ADCY8: variants seen among roughly 807,000 people sequenced by gnomAD.
The protein encoded by ADCY8 is adenylate cyclase type 8.
A neutral mutation model predicts 119.7 loss-of-function variants in ADCY8; 51 were observed. The observed-to-expected ratio is 0.43, with a 90% confidence interval of 0.34 to 0.54. The LOEUF is 0.54. ADCY8 is among the 20% of genes least tolerant of loss of function. The probability of loss-of-function intolerance (pLI) is 0.03; values close to 1 mark genes in which losing one functional copy is unlikely to be tolerated. For missense variants in ADCY8, 1,383 were observed against 1,598.8 expected (o/e 0.87, Z 2.30); for synonymous variants, 665 against 651.0 (o/e 1.02, Z -0.33).
chr8:130,892,574 T>C (rs1187102121), intron 7 of ADCY8: 1 of 152,052 alleles, frequency 6.6e-6, no homozygotes, highest in African/African-American at 2.4e-5. Flanking sequence ...AGTTTAATCA[T>C]TTGGGGGTTT....
chr8:131,020,990 C>T (rs987524452), intron 1 of ADCY8, among the ~76,000 whole-genome samples: 6 of 152,070 alleles, frequency 3.9e-5, no homozygotes, highest in African/African-American at 1.4e-4. Context: ...AAACAAAGCA[C>T]CCATAAAATG....
chr8:130,848,566 T>G (rs7820412), intron 10 of ADCY8, among the ~76,000 whole-genome samples: 45,541 of 151,896 alleles, frequency 0.3, 6,852 homozygotes, highest in African/African-American at 0.32. Context: ...TCAGGCAGTC[T>G]AGGGCTCCAA....
chr8:130,933,496 A>G (rs188995814), intron 5 of ADCY8, among the ~76,000 whole-genome samples: 2 of 152,340 alleles, frequency 1.3e-5, no homozygotes, highest in East Asian at 3.9e-4. Flanking sequence ...AATTGCAACC[A>G]AGGTTTATCT....
At chr8:130,969,443 C>T (rs1342021702) in intron 2 of ADCY8, among the ~76,000 whole-genome samples, 1 of 152,168 alleles carries the variant, frequency 6.6e-6, no homozygotes, top group Non-Finnish European at 1.5e-5. Flanking sequence ...TCTCTTGGCT[C>T]TGTTTCTCTG....
chr8:130,872,816 T>C (rs1818415675), intron 8 of ADCY8, among the ~76,000 whole-genome samples: 2 of 152,174 alleles, frequency 1.3e-5, no homozygotes, highest in African/African-American at 4.8e-5. Context: ...AAACAAATCA[T>C]TTCAAAAATG....
At chr8:130,863,777 T>C (rs886580357) in intron 9 of ADCY8, among the ~76,000 whole-genome samples, 1 of 152,268 alleles carries the variant, frequency 6.6e-6, no homozygotes, top group South Asian at 2.1e-4. Context: ...CCTTGTGACA[T>C]TGCTATTGTT....
chr8:130,790,795 C>G (rs1815401263), intron 15 of ADCY8, among the ~76,000 whole-genome samples: 2 of 152,340 alleles, frequency 1.3e-5, no homozygotes, highest in East Asian at 3.9e-4. Flanking sequence ...TACCTTTGGG[C>G]TGAGATGGCA....
At chr8:130,945,627 A>G (rs1176744714) in intron 3 of ADCY8, among the ~76,000 whole-genome samples, 2 of 152,258 alleles carry the variant, frequency 1.3e-5, no homozygotes, top group African/African-American at 4.8e-5. Flanking sequence ...AGCTTTTGTT[A>G]TCATCATTTT....
chr8:131,019,084 GA>G (rs1487564611), intron 1 of ADCY8, among the ~76,000 whole-genome samples: 1 of 152,152 alleles, frequency 6.6e-6, no homozygotes, highest in Non-Finnish European at 1.5e-5. Flanking sequence ...GGAGGGAGGA[GA>G]AAGAGGAATA....
At chr8:130,846,191 G>A (rs1325626226) in intron 11 of ADCY8, among the ~76,000 whole-genome samples, 1 of 152,060 alleles carries the variant, frequency 6.6e-6, no homozygotes, top group African/African-American at 2.4e-5. Flanking sequence ...TAGAGAACAA[G>A]AATCTACCCA....
chr8:130,870,498 T>C (rs1818315821), intron 8 of ADCY8, among the ~76,000 whole-genome samples: 1 of 152,162 alleles, frequency 6.6e-6, no homozygotes, highest in Non-Finnish European at 1.5e-5. Context: ...CCTTCTCTGC[T>C]TTATCTGGGA....
intron 12 of ADCY8, among the ~76,000 whole-genome samples, chr8:130,828,435 C>T (rs1467345314): frequency 6.6e-6 from 1 of 151,800 alleles, no homozygotes; most frequent in Non-Finnish European, 1.5e-5. Flanking sequence ...CATGGCATTT[C>T]CAGGTCTCTC....
chr8:130,884,050 C>T (rs1032167575), intron 8 of ADCY8, among the ~76,000 whole-genome samples: 5 of 78,954 alleles, frequency 6.3e-5, no homozygotes, highest in African/African-American at 2.4e-4. Flanking sequence ...GAATCCACAA[C>T]CCATTTCTTT....
At chr8:130,992,187 C>T (rs1028625229) in intron 1 of ADCY8, among the ~76,000 whole-genome samples, 2 of 150,068 alleles carry the variant, frequency 1.3e-5, no homozygotes. Flanking sequence ...TCAAGTGATT[C>T]TCCTGCCTCA....
intron 1 of ADCY8, among the ~76,000 whole-genome samples, chr8:131,031,641 C>T (rs1346500324): frequency 6.6e-6 from 1 of 152,120 alleles, no homozygotes; most frequent in Non-Finnish European, 1.5e-5. Flanking sequence ...GTGTTTGAGG[C>T]CTTGAGTTCA....
chr8:130,982,092 G>A (rs765571662), intron 2 of ADCY8, among the ~76,000 whole-genome samples: 22 of 152,156 alleles, frequency 1.4e-4, no homozygotes, highest in Non-Finnish European at 2.2e-4. Flanking sequence ...CAAATAATGC[G>A]CTAGGAAGAT....
chr8:130,863,644 T>G (rs1818020285), intron 9 of ADCY8, among the ~76,000 whole-genome samples: 1 of 152,162 alleles, frequency 6.6e-6, no homozygotes, highest in Non-Finnish European at 1.5e-5. Flanking sequence ...TAAAAACGTT[T>G]TTTTAGTGTT....
intron 7 of ADCY8, among the ~76,000 whole-genome samples, chr8:130,895,530 C>G (rs7463591): frequency 0.49 from 73,967 of 151,858 alleles, 19,131 homozygotes; most frequent in East Asian, 0.63. Flanking sequence ...TCTCTGGAAG[C>G]CTTCAAATCC....
chr8:130,959,028 C>T (rs550660617), intron 2 of ADCY8, among the ~76,000 whole-genome samples: 16 of 152,220 alleles, frequency 1.1e-4, no homozygotes, highest in African/African-American at 3.4e-4. Context: ...TCTGTAATTA[C>T]GAACTTGATT....
Sources: gnomAD v4.1 joint callset for allele counts (sites outside exome capture counted in the v4.1 genomes callset) on GRCh38, gnomAD v4.1.1 for gene constraint, MANE v1.5 for transcripts, NCBI Gene and HGNC (gene_info 2026-07-23, HGNC 2026-07-21) for gene names.